Variants in ATP10B observed in about 807,000 individuals in gnomAD.
ATP10B encodes phospholipid-transporting ATPase VB.
In ATP10B, 122 loss-of-function variants were observed where a neutral mutation model predicts 141.2. That is an observed-to-expected ratio of 0.86 (90% CI 0.75 to 1.00). ATP10B has a LOEUF of 1.00. ATP10B is among the 50% of genes least tolerant of loss of function. The pLI, the probability that ATP10B is intolerant of heterozygous loss-of-function variation, is 0.00. For missense variants in ATP10B, 1,876 were observed against 1,825.3 expected (o/e 1.03, Z -0.51); for synonymous variants, 685 against 692.0 (o/e 0.99, Z 0.16).
chr5:160,782,477 A>ACACACACT (rs1554115540), intron 2 of ATP10B, among the ~76,000 whole-genome samples: 4 of 145,352 alleles, frequency 2.8e-5, no homozygotes, highest in Non-Finnish European at 4.6e-5. Context: ...ACACACACAC[A>ACACACACT]CACTCACTCA....
At chr5:160,888,574 GTTC>G in the ATP10B span, among the ~76,000 whole-genome samples, 2 of 152,182 alleles carry the variant, frequency 1.3e-5, no homozygotes, top group African/African-American at 4.8e-5. Context: ...TAGAAGGACC[GTTC>G]TTCTCTCTGG....
intron 8 of ATP10B, among the ~76,000 whole-genome samples, chr5:160,646,035 T>A (rs1213449384): frequency 6.6e-6 from 1 of 152,228 alleles, no homozygotes; most frequent in East Asian, 1.9e-4. Context: ...CATGATTTTG[T>A]TTGACTCTTT....
intron 1 of ATP10B, among the ~76,000 whole-genome samples, chr5:160,826,874 C>A (rs1423222340): frequency 6.6e-6 from 1 of 152,114 alleles, no homozygotes; most frequent in Non-Finnish European, 1.5e-5. Context: ...TTGGGAAATG[C>A]CAGCATGGTA....
At chr5:160,602,774 C>T (rs866645912) in intron 20 of ATP10B, 72 bp from the exon 21 acceptor site, 29 of 1,600,346 alleles carry the variant, frequency 1.8e-5, no homozygotes, top group Middle Eastern at 1.7e-4. Context: ...CTCTCAAGGG[C>T]GTTGCTTTGG....
At chr5:160,901,024 AAAAT>A in the ATP10B span, among the ~76,000 whole-genome samples, 1 of 110,032 alleles carries the variant, frequency 9.1e-6, no homozygotes, top group Non-Finnish European at 2.1e-5. Context: ...AAGTTGTAGG[AAAAT>A]ATCAAAGGTG....
the ATP10B span, among the ~76,000 whole-genome samples, chr5:160,912,032 A>G: frequency 6.6e-6 from 1 of 152,042 alleles, no homozygotes; most frequent in Non-Finnish European, 1.5e-5. Flanking sequence ...AACCACTACT[A>G]AGGAGCTTGC....
chr5:160,805,965 A>G (rs1159932542), intron 1 of ATP10B, among the ~76,000 whole-genome samples: 7 of 152,354 alleles, frequency 4.6e-5, no homozygotes. Context: ...CCTCAGAACC[A>G]GCAGAACCAA....
intron 2 of ATP10B, among the ~76,000 whole-genome samples, chr5:160,740,193 G>A (rs1157344335): frequency 1.3e-5 from 2 of 152,182 alleles, no homozygotes; most frequent in Admixed American, 6.5e-5. Context: ...ACTATCTGGG[G>A]TTGTGAAAAA....
the ATP10B span, among the ~76,000 whole-genome samples, chr5:160,904,703 C>T: frequency 8.5e-5 from 13 of 152,260 alleles, 1 homozygote; most frequent in African/African-American, 2.2e-4. Flanking sequence ...GCAGTTGGCA[C>T]GAAGCTGTAC....
rs1370195387 is a variant in ATP10B at position 160,719,165 on chromosome 5, C to T, written c.-330-2131G>A. On this transcript the variant is annotated intron_variant, in intron 2 of 25. Transcript: ENST00000327245. ...CCTGTAATCCCAGCACTTTGTGAGG[C>T]TGAGACGGGCGGATCACGAGGTCAG... Among the ~76,000 whole-genome samples, 3 of 152,312 alleles carry T rather than the reference C, an allele frequency of 2.0e-5. 1 individual carries two copies. Among genetic ancestry groups the T allele is most frequent in the African/African-American group, 7.2e-5 (3 of 41,572 alleles).
chr5:160,795,173 A>C (rs573174099), intron 1 of ATP10B, among the ~76,000 whole-genome samples: 1 of 152,188 alleles, frequency 6.6e-6, no homozygotes, highest in Non-Finnish European at 1.5e-5. Context: ...CCATCTTTTC[A>C]AAAAAAATCC....
the ATP10B span, among the ~76,000 whole-genome samples, chr5:160,879,537 T>TAAAAAAAAAAAAA: frequency 7.4e-6 from 1 of 134,894 alleles, no homozygotes; most frequent in South Asian, 2.4e-4. Flanking sequence ...AAAGTAAAAT[T>TAAAAAAAAAAAAA]AAAAAAAAAA....
chr5:160,923,282 C>A, the ATP10B span, among the ~76,000 whole-genome samples: 2 of 152,182 alleles, frequency 1.3e-5, no homozygotes, highest in African/African-American at 4.8e-5. Flanking sequence ...AATTTAACAT[C>A]AAATCATCCC....
intron 14 of ATP10B, 24 bp downstream of exon 14, chr5:160,622,370 C>T: frequency 6.3e-7 from 1 of 1,592,484 alleles, no homozygotes; most frequent in Non-Finnish European, 8.5e-7. Flanking sequence ...TTACCCTCCT[C>T]CCCCAGCCAT....
chr5:160,670,789 C>T (rs570304820), intron 6 of ATP10B, 122 bp from the exon 7 acceptor site: 30 of 820,020 alleles, frequency 3.7e-5, no homozygotes, highest in Non-Finnish European at 5.5e-5. Flanking sequence ...CATGAGATTG[C>T]CTTGTATTCT....
upstream of ATP10B, among the ~76,000 whole-genome samples, chr5:160,855,334 G>A (rs138052227): frequency 0.012 from 1,819 of 152,024 alleles, 126 homozygotes; most frequent in Admixed American, 0.11. Flanking sequence ...TAGGTGTATA[G>A]CAATATCTCA....
chr5:160,737,099 C>T (rs938711993), intron 2 of ATP10B, among the ~76,000 whole-genome samples: 4 of 152,080 alleles, frequency 2.6e-5, no homozygotes, highest in African/African-American at 9.7e-5. Context: ...AAGGATGGGT[C>T]AACAACACAA....
chr5:160,613,023 A>G, intron 17 of ATP10B, 98 bp from the exon 18 acceptor site: 1 of 1,198,840 alleles, frequency 8.3e-7, no homozygotes, highest in East Asian at 2.6e-5. Flanking sequence ...TTTATTGGAT[A>G]GCATCACTGT....
At chr5:160,806,647 A>T (rs1393547124) in intron 1 of ATP10B, among the ~76,000 whole-genome samples, 1 of 152,236 alleles carries the variant, frequency 6.6e-6, no homozygotes. Flanking sequence ...CTGAACTCTT[A>T]GCATGTGCTA....
Sources: gnomAD v4.1 joint callset for allele counts (sites outside exome capture counted in the v4.1 genomes callset) on GRCh38, gnomAD v4.1.1 for gene constraint, MANE v1.5 for transcripts, NCBI Gene and HGNC (gene_info 2026-07-23, HGNC 2026-07-21) for gene names.